CACNB4: variants seen among roughly 807,000 people sequenced by gnomAD.
CACNB4 encodes voltage-dependent L-type calcium channel subunit beta-4.
Under a neutral mutation model 71.2 loss-of-function variants are expected in CACNB4, and 32 were observed. The ratio of observed to expected loss-of-function variants is 0.45; its 90% confidence interval spans 0.34 to 0.60. CACNB4 has a LOEUF of 0.60. CACNB4 is among the 20% of genes least tolerant of loss of function. The pLI, the probability that CACNB4 is intolerant of heterozygous loss-of-function variation, is 0.01. For missense variants in CACNB4, 464 were observed against 647.9 expected (o/e 0.72, Z 3.08); for synonymous variants, 231 against 236.9 (o/e 0.97, Z 0.23).
intron 2 of CACNB4, among the ~76,000 whole-genome samples, chr2:152,083,538 CAGCACACAGA>C (rs1687481131): frequency 6.6e-6 from 1 of 152,168 alleles, no homozygotes; most frequent in Admixed American, 6.5e-5. Flanking sequence ...AGGCCTAGAC[CAGCACACAGA>C]AGAACACACA....
At chr2:151,887,464 G>C (rs564860335) in intron 2 of CACNB4, among the ~76,000 whole-genome samples, 1 of 151,834 alleles carries the variant, frequency 6.6e-6, no homozygotes, top group South Asian at 2.1e-4. Context: ...TTTTGGTCTA[G>C]ACTCTTTTCC....
At chr2:151,903,547 G>C (rs1559965188) in intron 2 of CACNB4, among the ~76,000 whole-genome samples, 1 of 152,062 alleles carries the variant, frequency 6.6e-6, no homozygotes, top group Non-Finnish European at 1.5e-5. Flanking sequence ...TTGAAAAGAA[G>C]AATAAAACCG....
At chr2:151,913,626 G>A (rs2099856774) in intron 2 of CACNB4, among the ~76,000 whole-genome samples, 1 of 151,846 alleles carries the variant, frequency 6.6e-6, no homozygotes, top group Admixed American at 6.6e-5. Context: ...AATCGCCAGG[G>A]GTGGTGATGG....
intron 2 of CACNB4, among the ~76,000 whole-genome samples, chr2:151,938,674 T>C (rs1205905651): frequency 6.6e-6 from 1 of 152,194 alleles, no homozygotes; most frequent in African/African-American, 2.4e-5. Context: ...CAATGAGTCA[T>C]TTGAAATATG....
chr2:152,041,771 G>A (rs1684884862), intron 2 of CACNB4, among the ~76,000 whole-genome samples: 1 of 152,156 alleles, frequency 6.6e-6, no homozygotes, highest in African/African-American at 2.4e-5. Flanking sequence ...CCATCAAAAA[G>A]GGAGATATCT....
At chr2:151,870,941 T>C in intron 6 of CACNB4, 80 bp from the exon 7 acceptor site, 1 of 1,011,334 alleles carries the variant, frequency 9.9e-7, no homozygotes, top group Non-Finnish European at 1.5e-6. Context: ...GATGGAAGAA[T>C]GTACCCATTT....
chr2:152,052,150 C>G (rs1027707444), intron 2 of CACNB4, among the ~76,000 whole-genome samples: 1 of 152,204 alleles, frequency 6.6e-6, no homozygotes, highest in Admixed American at 6.5e-5. Context: ...ATAGCTTAGT[C>G]TAGCCTACCT....
At position 152,098,223 on chromosome 2, in the gene CACNB4, G is replaced by C. The variant is rs1025085332; in HGVS notation, c.147+107C>G. 2 of 801,152 alleles carry C rather than the reference G, an allele frequency of 2.5e-6. No individual in the cohort carries two copies. The highest frequency in any genetic ancestry group is 1.6e-5 in the South Asian group (1 of 63,730). The allele number at this position is 801,152 out of a possible 1,614,324, so 49.6% of individuals were successfully genotyped here. On this transcript the variant is annotated intron_variant, in intron 2 of 13. Coordinates refer to ENST00000539935, the MANE Select transcript of CACNB4 (RefSeq NM_000726.5). The surrounding 1 kb of genome is among the most constrained non-coding windows in gnomAD (Gnocchi z 5.3). ...GCCGAGGCCGGGAAGAGACGCGCGC[G>C]GGCTTGACCCGCAGCTCCCGCACGT...
Position 151,991,998 on chromosome 2 carries a change from T to G in CACNB4, c.147+106332A>C, listed in dbSNP as rs77047721. ...ACTGGGACTCAGTCCCACTGAGAAC[T>G]TCTAAGCGAGAGTAAAATGCTCTCC... is the stretch of plus-strand genomic sequence containing the variant. On this transcript the variant is annotated intron_variant, in intron 2 of 13. Coordinates refer to ENST00000539935, the MANE Select transcript of CACNB4 (RefSeq NM_000726.5). Among the ~76,000 whole-genome samples, 635 of 152,330 alleles carry G rather than the reference T, an allele frequency of 4.2e-3. 3 individuals are homozygous for G. The highest frequency in any genetic ancestry group is 0.014 in the African/African-American group (591 of 41,570).
At position 151,860,798 on chromosome 2, in the gene CACNB4, C is replaced by G; in HGVS notation, c.781G>C (p.Ala261Pro). ...GACCTCTTAGCAAGAGAAATGTCAG[C>G]TGTCACTCTCGTTATTGAAATCCTA... is the stretch of plus-strand genomic sequence containing the variant. ...DGRISITRVT[A>P]DISLAKRSVL... The change falls in exon 10 of 14, where the codon GCT (alanine) becomes CCT (proline). Residue 261 changes from alanine (A) to proline (P), a missense_variant. By Grantham distance (27) the Ala-to-Pro change is conservative. Around this residue, in one of 3 missense-constraint regions of CACNB4, gnomAD observed 299 missense variants for 471.7 expected, o/e 0.63. Coordinates refer to ENST00000539935, the MANE Select transcript of CACNB4 (RefSeq NM_000726.5). The G allele has an allele frequency of 1.2e-6, 2 of 1,612,502 alleles. No homozygotes were observed. Among genetic ancestry groups the G allele is most frequent in the Non-Finnish European group, 8.5e-7 (1 of 1,178,570 alleles).
chr2:151,889,072 G>C (rs1163298796), intron 2 of CACNB4, among the ~76,000 whole-genome samples: 2 of 152,174 alleles, frequency 1.3e-5, no homozygotes, highest in East Asian at 3.8e-4. Flanking sequence ...CCTGTAGCTA[G>C]TGGCTACCAT....
intron 2 of CACNB4, among the ~76,000 whole-genome samples, chr2:152,041,156 G>A (rs6755776): frequency 0.73 from 111,326 of 152,066 alleles, 43,050 homozygotes; most frequent in Middle Eastern, 0.91. Context: ...TTGGCACTCA[G>A]TATAATGATT....
chr2:151,978,191 T>A (rs2099874132), intron 2 of CACNB4, among the ~76,000 whole-genome samples: 1 of 76 alleles, frequency 0.013, no homozygotes, highest in Non-Finnish European at 0.026. Context: ...GAGGCGGAGC[T>A]CAGCTTACCA....
chr2:151,958,710 C>T lies in CACNB4; in HGVS notation c.148-75340G>A, dbSNP rs561003042. Among the ~76,000 whole-genome samples the T allele has an allele frequency of 2.6e-5, 4 of 152,340 alleles. No homozygotes were observed. In the East Asian group the frequency reaches 7.7e-4, roughly 29 times the overall value. On this transcript the variant is annotated intron_variant, in intron 2 of 13. Coordinates refer to ENST00000539935, the MANE Select transcript of CACNB4 (RefSeq NM_000726.5). ...CCTAGTTCAGGCTTCCATCAGCTCA[C>T]ACCTGTACTATTTCCACAGCTTTTT...
At chr2:151,920,315 C>CTTTTTTTTTTTTTTTTTTTTTTTTTTTT (rs1559996320) in intron 2 of CACNB4, among the ~76,000 whole-genome samples, 1 of 81,052 alleles carries the variant, frequency 1.2e-5, no homozygotes, top group African/African-American at 5.2e-5. Context: ...TCTTCTTCTT[C>CTTTTTTTTTTTTTTTTTTTTTTTTTTTT]TTCTTTTTTT....
chr2:152,000,461 G>A lies in CACNB4; in HGVS notation c.147+97869C>T, dbSNP rs193075206. 3.5e-3 allele frequency among the ~76,000 whole-genome samples: 538 copies of A among 152,324 alleles called. 2 individuals carry two copies. The highest frequency in any genetic ancestry group is 6.3e-3 in the Non-Finnish European group (430 of 68,038). On this transcript the variant is annotated intron_variant, in intron 2 of 13. Coordinates refer to ENST00000539935, the MANE Select transcript of CACNB4 (RefSeq NM_000726.5). ...TGTGAGAATAAGTGGATTCAAACCT[G>A]TGAAGGGCTTGGAACAGACACTGGA...
Position 151,839,041 on chromosome 2 carries a change from C to T in CACNB4, c.*78G>A. 7.5e-7 allele frequency: 1 copy of T among 1,324,560 alleles called. No individual in the cohort carries two copies. The highest frequency in any genetic ancestry group is 1.0e-6 in the Non-Finnish European group (1 of 953,084). The allele number at this position is 1,324,560 out of a possible 1,614,324, so 82.1% of individuals were successfully genotyped here. On this transcript the variant is annotated 3_prime_UTR_variant, in exon 14 of 14. Transcript: ENST00000539935. The stretch of plus-strand genomic sequence containing the variant: ...CACAGTAAATACTGTGCTATGTTAG[C>T]CAAGTTAAGATGATTGGTTTATCCT...
chr2:152,068,247 C>T, intron 2 of CACNB4, among the ~76,000 whole-genome samples: 1 of 152,166 alleles, frequency 6.6e-6, no homozygotes, highest in Non-Finnish European at 1.5e-5. Flanking sequence ...GCAACTCTCC[C>T]TTCCTCTTGC....
At chr2:152,086,707 C>A (rs1257690988) in intron 2 of CACNB4, among the ~76,000 whole-genome samples, 1 of 152,192 alleles carries the variant, frequency 6.6e-6, no homozygotes, top group Admixed American at 6.5e-5. Context: ...ATAACCATTT[C>A]TATTGTTCAT....
Sources: allele counts gnomAD v4.1 joint callset (sites outside exome capture counted in the v4.1 genomes callset), GRCh38; gene constraint gnomAD v4.1.1; regional missense constraint gnomAD v4.1.1; non-coding constraint Gnocchi (gnomAD v3.1); transcripts MANE v1.5; gene names NCBI Gene and HGNC (gene_info 2026-07-23, HGNC 2026-07-21).